The following RIC1 variants were observed in gnomAD, a reference collection of about 807,000 sequenced individuals.
The protein encoded by RIC1 is RIC1 partner of RAB6A GEF complex.
RIC1 carries 88 observed loss-of-function variants against 169.0 expected under a neutral mutation model. The observed-to-expected ratio is 0.52, with a 90% CI of 0.44 to 0.62. The LOEUF (loss-of-function observed/expected upper bound fraction) is 0.62. Ranked by LOEUF, RIC1 falls within the 20% of genes least tolerant of loss-of-function variation. RIC1 has a pLI of 0.00. For synonymous variants in RIC1, 790 were observed against 601.5 expected, an observed-to-expected ratio of 1.31 and a Z score of -4.59; for missense variants, 1,877 against 1,725.5, an observed-to-expected ratio of 1.09 and a Z score of -1.56.
chr9:5,664,331 T>G lies in RIC1; in HGVS notation c.252+7641T>G, dbSNP rs139744711. On this transcript the variant is annotated intron_variant, in intron 2 of 25. Coordinates refer to ENST00000414202, the MANE Select transcript of RIC1 (RefSeq NM_020829.4). The stretch of plus-strand genomic sequence containing the variant: ...AGGAGGCTGAGGCAGGAGAATTGCT[T>G]GAACCCAGAAGGCAGAGGTTGCAGT... Among the ~76,000 whole-genome samples the G allele has an allele frequency of 3.8e-4, 58 of 152,142 alleles. 3 individuals are homozygous for G. The highest frequency in any genetic ancestry group is 3.5e-3 in the Admixed American group (53 of 15,280).
chr9:5,698,177 G>T (rs991934580), intron 3 of RIC1, among the ~76,000 whole-genome samples: 3 of 152,150 alleles, frequency 2.0e-5, no homozygotes, highest in African/African-American at 7.2e-5. Flanking sequence ...CAAAGAAATG[G>T]CTGTTGAATT....
intron 3 of RIC1, among the ~76,000 whole-genome samples, chr9:5,694,459 C>G (rs989747058): frequency 1.3e-5 from 2 of 152,148 alleles, no homozygotes; most frequent in Non-Finnish European, 2.9e-5. Flanking sequence ...TCTGCTTGAG[C>G]CTCTGAAAAC....
downstream of RIC1, among the ~76,000 whole-genome samples, chr9:5,777,553 T>C (rs16923507): frequency 0.29 from 43,697 of 152,044 alleles, 7,128 homozygotes; most frequent in East Asian, 0.59. Flanking sequence ...GTCCAACTTA[T>C]TTTTTCTTTG....
intron 17 of RIC1, among the ~76,000 whole-genome samples, chr9:5,758,533 G>A (rs1295791988): frequency 6.6e-6 from 1 of 152,032 alleles, no homozygotes; most frequent in Non-Finnish European, 1.5e-5. Flanking sequence ...CTTTGTAGAA[G>A]ACATTGTAAA....
At chr9:5,739,785 C>G (rs929049114) in intron 8 of RIC1, among the ~76,000 whole-genome samples, 1 of 152,124 alleles carries the variant, frequency 6.6e-6, no homozygotes, top group Non-Finnish European at 1.5e-5. Context: ...AAAAGGTTCA[C>G]CAGAGTTTAC....
intron 3 of RIC1, among the ~76,000 whole-genome samples, chr9:5,710,890 GAAT>G (rs1822891365): frequency 6.6e-6 from 1 of 152,026 alleles, no homozygotes; most frequent in South Asian, 2.1e-4. Flanking sequence ...TAAAAGACAA[GAAT>G]AAGAGAGAAA....
Position 5,732,369 on chromosome 9 carries a change from C to A in RIC1, c.721-19C>A, listed in dbSNP as rs771909666. On this transcript the variant is annotated intron_variant, in intron 6 of 25. Transcript: ENST00000414202. ...TGGAGAAACACTTTTTAAGCCTTAA[C>A]TATTTTTCTTTATTATAGCAGCTTC... 21 of 1,586,096 alleles carry A rather than the reference C, an allele frequency of 1.3e-5. No individual in the cohort carries two copies. The highest frequency in any genetic ancestry group is 1.7e-5 in the Non-Finnish European group (20 of 1,160,986).
chr9:5,635,622 GC>G (rs1817935163), intron 1 of RIC1, among the ~76,000 whole-genome samples: 1 of 152,074 alleles, frequency 6.6e-6, no homozygotes, highest in Admixed American at 6.6e-5. Flanking sequence ...ATATGGTTTG[GC>G]TCTATTTCCC....
chr9:5,704,782 A>AT (rs1197023493), intron 3 of RIC1, among the ~76,000 whole-genome samples: 1 of 151,870 alleles, frequency 6.6e-6, no homozygotes, highest in South Asian at 2.1e-4. Context: ...ATTTTCTTCT[A>AT]TTTTTTTAAG....
At chr9:5,694,051 A>G (rs1234332219) in intron 3 of RIC1, among the ~76,000 whole-genome samples, 1 of 152,090 alleles carries the variant, frequency 6.6e-6, no homozygotes, top group East Asian at 1.9e-4. Context: ...CACCCTCCCC[A>G]TATAATTTCA....
intron 2 of RIC1, among the ~76,000 whole-genome samples, chr9:5,683,370 G>C (rs1392309577): frequency 6.6e-6 from 1 of 152,160 alleles, no homozygotes; most frequent in Non-Finnish European, 1.5e-5. Flanking sequence ...TAACAGTCAG[G>C]ACCCTCAGCT....
intron 2 of RIC1, among the ~76,000 whole-genome samples, chr9:5,671,888 C>G (rs959967311): frequency 6.6e-6 from 1 of 152,176 alleles, no homozygotes; most frequent in Non-Finnish European, 1.5e-5. Context: ...TTTCACAGTT[C>G]TCTAAGTGAG....
At chr9:5,698,802 G>C (rs573006149) in intron 3 of RIC1, among the ~76,000 whole-genome samples, 24 of 152,240 alleles carry the variant, frequency 1.6e-4, no homozygotes, top group African/African-American at 4.6e-4. Flanking sequence ...TGTCTAGGTT[G>C]CCTTCTGAAT....
intron 19 of RIC1, 35 bp from the exon 20 acceptor site, chr9:5,765,379 T>G: frequency 6.3e-7 from 1 of 1,591,780 alleles, no homozygotes; most frequent in African/African-American, 1.4e-5. Context: ...AATTGTGTAG[T>G]ATAAAAAGAA....
chr9:5,742,954 C>T lies in RIC1; in HGVS notation c.987C>T (p.Gly329=), dbSNP rs1412819962. ...TAATAGTGACCTGGGAATACGGAGG[C>T]CTTTCTTTATGGAGTGTTTTTGGAG... ...SVVIVTWEYG[G]LSLWSVFGAQ... The change falls in exon 9 of 26, where the codon GGC becomes GGT. Residue 329 remains glycine (G), a synonymous_variant. Coordinates refer to ENST00000414202, the MANE Select transcript of RIC1 (RefSeq NM_020829.4). The T allele has an allele frequency of 2.5e-6, 4 of 1,613,306 alleles. No individual in the cohort carries two copies. The highest frequency in any genetic ancestry group is 1.3e-5 in the African/African-American group (1 of 74,840).
intron 1 of RIC1, among the ~76,000 whole-genome samples, chr9:5,644,636 G>A (rs73390683): frequency 0.015 from 2,327 of 152,078 alleles, 54 homozygotes; most frequent in African/African-American, 0.053. Context: ...TGCATATGCC[G>A]CATTTCTATC....
rs73392650 is a variant in RIC1 at position 5,676,018 on chromosome 9, G to A, written c.253-13941G>A. 5.0e-3 allele frequency among the ~76,000 whole-genome samples: 767 copies of A among 152,268 alleles called. 8 individuals are homozygous for A. Among genetic ancestry groups the A allele is most frequent in the African/African-American group, 0.017 (725 of 41,546 alleles). ...TGCCCTTGGTCATTCCTGGGCCTAG[G>A]CCATGCTAACTTTAGGAGAAATTTA... On this transcript the variant is annotated intron_variant, in intron 2 of 25. Coordinates refer to ENST00000414202, the MANE Select transcript of RIC1 (RefSeq NM_020829.4).
At chr9:5,664,097 G>A (rs1229841649) in intron 2 of RIC1, among the ~76,000 whole-genome samples, 3 of 152,080 alleles carry the variant, frequency 2.0e-5, no homozygotes, top group Admixed American at 6.6e-5. Flanking sequence ...TTCTGGGTTG[G>A]AAATTCTTTA....
At chr9:5,778,126 A>C (rs1367051900), downstream of RIC1, among the ~76,000 whole-genome samples, 1 of 152,186 alleles carries the variant, frequency 6.6e-6, no homozygotes, top group African/African-American at 2.4e-5. Context: ...AATGTCTTTT[A>C]ACAGTGGATT....
Sources: gnomAD v4.1 joint callset for allele counts (sites outside exome capture counted in the v4.1 genomes callset) on GRCh38, gnomAD v4.1.1 for gene constraint, MANE v1.5 for transcripts, NCBI Gene and HGNC (gene_info 2026-07-23, HGNC 2026-07-21) for gene names.